TTN: variants seen among roughly 807,000 people sequenced by gnomAD.
TTN encodes connectin.
TTN carries 1,525 observed loss-of-function variants against 3,223.0 expected under a neutral mutation model. The observed-to-expected ratio is 0.47, with a 90% CI of 0.45 to 0.49. The LOEUF (loss-of-function observed/expected upper bound fraction) is 0.49, where lower values mean the gene tolerates loss of function less well. Ranked by LOEUF, TTN falls within the 20% of genes least tolerant of loss-of-function variation. TTN has a pLI of 0.00. For missense variants in TTN, 40,786 were observed against 43,424.0 expected, an observed-to-expected ratio of 0.94 and a Z score of 5.40; for synonymous variants, 14,094 against 15,161.0, an observed-to-expected ratio of 0.93 and a Z score of 5.17.
In TTN at chr2:178,584,439, C is replaced by G; in HGVS notation, c.65112G>C (p.Leu21704Phe). The G allele has an allele frequency of 3.1e-6, 5 of 1,613,334 alleles. No individual in the cohort carries two copies. The highest frequency in any genetic ancestry group is 4.2e-6 in the Non-Finnish European group (5 of 1,179,530). ...GAGTATCATTGGCTTTCACCCACAGCAAACTGTTTCTTTCCTTGCGTTCAA... is the reference window on the plus strand; with the variant it reads ...GAGTATCATTGGCTTTCACCCACAGGAAACTGTTTCTTTCCTTGCGTTCAA... Reference protein sequence around the residue: ...YLIERKERNSLLWVKANDTLV... With the variant: ...YLIERKERNSFLWVKANDTLV... Residue 21704 changes from leucine to phenylalanine, a missense_variant, in exon 311 of 363, where the codon TTG becomes TTC. Transcript: ENST00000589042.
In TTN at chr2:178,603,924, C is replaced by T. The variant is rs762872466; in HGVS notation, c.54763G>A (p.Gly18255Ser). The T allele has an allele frequency of 6.2e-7, 1 of 1,611,908 alleles. No homozygotes were observed. The highest frequency in any genetic ancestry group is 8.5e-7 in the Non-Finnish European group (1 of 1,178,590). The change falls in exon 282 of 363, where the codon GGT (glycine) becomes AGT (serine). Residue 18255 changes from glycine to serine, a missense_variant. Physicochemically the swap from Gly to Ser is moderately conservative, Grantham distance 56. Transcript: ENST00000589042. Reference sequence around the variant, plus strand: ...GGATCTGATGGTTCACTGGGAGGACCAATTCCTGCAGCATTTATTGCCATG... The same window carrying T: ...GGATCTGATGGTTCACTGGGAGGACTAATTCCTGCAGCATTTATTGCCATG... ...RAMAINAAGI[G>S]PPSEPSDPEV... is the part of the protein sequence containing the mutation.
intron 223 of TTN, among the ~76,000 whole-genome samples, chr2:178,637,882 A>C (rs1000644129): frequency 6.6e-6 from 1 of 152,038 alleles, no homozygotes. Context: ...AAATCCAGGG[A>C]AGACTAAGGA....
chr2:178,795,429 C>A (rs977309365), intron 6 of TTN, among the ~76,000 whole-genome samples, 177 bp from the exon 7 acceptor site: 7 of 151,904 alleles, frequency 4.6e-5, no homozygotes, highest in South Asian at 2.1e-4. Context: ...TCTCAATAAA[C>A]CTATTCTTAT....
In TTN at chr2:178,535,291, T is replaced by C; in HGVS notation, c.101324A>G (p.Glu33775Gly). ...TTTGGTTATGGTTGGTTCTGAAGGC[T>C]CTGAAGGCTTGCTCAGACCAAATTT... ...ENKFGLSKPS[E>G]PSEPTITKED... is the part of the protein sequence containing the mutation. Residue 33775 changes from glutamate (E) to glycine (G), a missense_variant, in exon 358 of 363, where the codon GAG becomes GGG. Physicochemically the swap from Glu to Gly is moderately conservative, Grantham distance 98 (BLOSUM62 -2). Coordinates refer to ENST00000589042, the MANE Select transcript of TTN (RefSeq NM_001267550.2). The C allele has an allele frequency of 6.2e-7, 1 of 1,613,938 alleles. No individual in the cohort carries two copies. Among genetic ancestry groups the C allele is most frequent in the Non-Finnish European group, 8.5e-7 (1 of 1,179,842 alleles).
chr2:178,555,188 TATAAG>T, intron 330 of TTN, 36 bp from the exon 331 acceptor site: 2 of 1,575,436 alleles, frequency 1.3e-6, no homozygotes, highest in East Asian at 2.2e-5. Flanking sequence ...TTTAAAATAT[TATAAG>T]GATGGAAAAA....
At position 178,576,618 on chromosome 2, in the gene TTN, G is replaced by C. The variant is rs910182014; in HGVS notation, c.69626C>G (p.Thr23209Ser). The change falls in exon 325 of 363, where the codon ACC (threonine) becomes AGC (serine). Residue 23209 changes from threonine to serine, a missense_variant. Thr to Ser is a moderately conservative substitution (Grantham distance 58). Transcript: ENST00000589042. This position sits in a 1 kb window ranked among gnomAD's most constrained non-coding sequence, Gnocchi z 4.3. ...TTCTGCACTGACACGGAATTCGTAG[G>C]TGCTTCCTTCTTGCAGTCCTGTTAC... ...CKVTGLQEGSTYEFRVSAENR... is the reference protein window; with the variant it reads ...CKVTGLQEGSSYEFRVSAENR... 2 of 1,613,564 alleles carry C rather than the reference G, an allele frequency of 1.2e-6. No homozygotes were observed. The highest frequency in any genetic ancestry group is 3.3e-5 in the Admixed American group (2 of 60,004).
rs1708542756 is a variant in TTN, at chr2:178,572,382, G to A, written c.73750C>T (p.Gln24584Ter). 2 of 1,612,982 alleles carry A rather than the reference G, an allele frequency of 1.2e-6. No individual in the cohort carries two copies. Among genetic ancestry groups the A allele is most frequent in the Admixed American group, 3.3e-5 (2 of 59,962 alleles). Residue 24584 changes from glutamine (Q) to a stop codon, truncating the protein, a stop_gained, in exon 326 of 363, where the codon CAA becomes TAA. Coordinates refer to ENST00000589042, the MANE Select transcript of TTN (RefSeq NM_001267550.2). LOFTEE classifies it high-confidence loss of function. ...CTGAAATAGTAGCTACAGCCTTCTT[G>A]AAGCTGGTCTACCTTCCAGGAAGTC... ...HKTSWKVDQL[Q>*]EGCSYYFRVL...
Position 178,672,070 on chromosome 2 carries a change from C to T in TTN, c.35128G>A (p.Val11710Ile). 1 of 1,612,120 alleles carries T rather than the reference C, an allele frequency of 6.2e-7. No individual in the cohort carries two copies. The highest frequency in any genetic ancestry group is 8.5e-7 in the Non-Finnish European group (1 of 1,179,050). ...EEFIKLEQHR[V>I]EEEHRVEKVH... The stretch of plus-strand genomic sequence containing the variant: ...TTTTCAACTCTGTGTTCTTCTTCAA[C>T]TCTATGTTGTTCTAATTTGATGAAT... Residue 11710 changes from valine (V) to isoleucine (I), a missense_variant, in exon 155 of 363, where the codon GTT (valine) becomes ATT (isoleucine). Physicochemically the swap from Val to Ile is conservative, Grantham distance 29 (BLOSUM62 3). Coordinates refer to ENST00000589042, the MANE Select transcript of TTN (RefSeq NM_001267550.2).
rs1693586445 is a variant in TTN at position 178,539,948 on chromosome 2, A to G, written c.98117T>C (p.Leu32706Pro). Residue 32706 changes from leucine (L) to proline (P), a missense_variant, in exon 352 of 363, where the codon CTT (leucine) becomes CCT (proline). By Grantham distance (98) the Leu-to-Pro change is moderately conservative (BLOSUM62 -3). Transcript: ENST00000589042. The stretch of plus-strand genomic sequence containing the variant: ...GATACCTTCTTGGTATCTTTCATCA[A>G]GTTCATAATCAGGATATTCTGGAAA... ...TEMLEYPDYE[L>P]DERYQEGIFV... 1 of 1,613,384 alleles carries G rather than the reference A, an allele frequency of 6.2e-7. No homozygotes were observed. Among genetic ancestry groups the G allele is most frequent in the African/African-American group, 1.3e-5 (1 of 74,908 alleles).
Position 178,601,573 on chromosome 2 carries a change from T to G in TTN, c.55433-9A>C. 6.2e-7 allele frequency: 1 copy of G among 1,604,744 alleles called. No homozygotes were observed. The highest frequency in any genetic ancestry group is 8.5e-7 in the Non-Finnish European group (1 of 1,175,424). On this transcript the variant is annotated splice_polypyrimidine_tract_variant and intron_variant, in intron 286 of 362. Transcript: ENST00000589042. The stretch of plus-strand genomic sequence containing the variant: ...GGGTGGGCCTGGTACATCTGTTGGA[T>G]GTAAATCACAATATAAGCAACGTTC...
intron 147 of TTN, 170 bp from the exon 148 acceptor site, chr2:178,676,165 G>A: frequency 1.7e-6 from 1 of 592,194 alleles, no homozygotes. Context: ...GTAAAGCAAG[G>A]GACCAGCAGC....
In TTN at chr2:178,531,788, G is replaced by A. The variant is rs1202115268; in HGVS notation, c.104827C>T (p.Arg34943Ter). Residue 34943 changes from arginine (R) to a stop codon, truncating the protein, a stop_gained, in exon 358 of 363, where the codon CGA becomes TGA. Transcript: ENST00000589042. LOFTEE classifies it high-confidence loss of function. Reference sequence around the variant, plus strand: ...TGCGAGCGCATTCTCAGTGTGATTCGAGGGGCATGGTCCAGTGTGAAAGGC... The same window carrying A: ...TGCGAGCGCATTCTCAGTGTGATTCAAGGGGCATGGTCCAGTGTGAAAGGC... ...QQPFTLDHAPRITLRMRSHRV... is the reference protein window; with the variant it reads ...QQPFTLDHAP The A allele has an allele frequency of 1.9e-6, 3 of 1,613,852 alleles. No individual in the cohort carries two copies. Among genetic ancestry groups the A allele is most frequent in the Non-Finnish European group, 2.5e-6 (3 of 1,179,882 alleles).
intron 127 of TTN, 97 bp from the exon 128 acceptor site, chr2:178,685,695 A>G: frequency 8.0e-7 from 1 of 1,248,852 alleles, no homozygotes; most frequent in Middle Eastern, 1.9e-4. Flanking sequence ...CAAAATAGCA[A>G]AAGTTTAACC....
chr2:178,616,933 T>G lies in TTN; in HGVS notation c.47956A>C (p.Ser15986Arg). ...VPNPITILVP[S>R]TGYPRPTATW... ...GCAGTTGGCCTTGGATAGCCTGTAC[T>G]TGGAACCAGGATCGTGATAGGATTT... The change falls in exon 256 of 363, where the codon AGT becomes CGT. Residue 15986 changes from serine (S) to arginine (R), a missense_variant. Ser to Arg is a moderately radical substitution (Grantham distance 110). Coordinates refer to ENST00000589042, the MANE Select transcript of TTN (RefSeq NM_001267550.2). 6.2e-7 allele frequency: 1 copy of G among 1,612,726 alleles called. No homozygotes were observed. Among genetic ancestry groups the G allele is most frequent in the South Asian group, 1.1e-5 (1 of 91,054 alleles).
In TTN at chr2:178,590,368, C is replaced by T. The variant is rs962106912; in HGVS notation, c.61357G>A (p.Val20453Ile). 3 of 1,581,976 alleles carry T rather than the reference C, an allele frequency of 1.9e-6. No homozygotes were observed. Among genetic ancestry groups the T allele is most frequent in the Non-Finnish European group, 2.6e-6 (3 of 1,164,756 alleles). ...AGTTCTCTTGGCTCACCCTCTCCTACAATATTAGCTGCCTTTATACGGAAT... is the reference window on the plus strand; with the variant it reads ...AGTTCTCTTGGCTCACCCTCTCCTATAATATTAGCTGCCTTTATACGGAAT... ...YRFRIKAANIVGEGEPRELAE... is the reference protein window; with the variant it reads ...YRFRIKAANIIGEGEPRELAE... The change falls in exon 304 of 363, where the codon GTA becomes ATA. Residue 20453 changes from valine to isoleucine, a missense_variant. Coordinates refer to ENST00000589042, the MANE Select transcript of TTN (RefSeq NM_001267550.2).
At chr2:178,692,615 G>A (rs748213210) in intron 119 of TTN, 35 bp from the exon 120 acceptor site, 2 of 1,454,262 alleles carry the variant, frequency 1.4e-6, no homozygotes, top group Non-Finnish European at 1.8e-6. Context: ...GAGAAAGTGT[G>A]CATTTGACAA....
At chr2:178,708,858 AG>A (rs1020289454) in intron 99 of TTN, among the ~76,000 whole-genome samples, 5 of 152,150 alleles carry the variant, frequency 3.3e-5, no homozygotes, top group Non-Finnish European at 7.4e-5. Context: ...AGGCTGCTCT[AG>A]GAGGTTAGTT....
rs1203373476 is a variant in TTN at position 178,779,051 on chromosome 2, T to C, written c.4031A>G (p.Asp1344Gly). ...GERYQMDFLQDGRASLRIPVV... is the reference protein window; with the variant it reads ...GERYQMDFLQGGRASLRIPVV... ...AGGTATACGCAGACTAGCTCTGCCA[T>C]CTTGTAGAAAGTCCATTTGGTATCT... The change falls in exon 24 of 363, where the codon GAT becomes GGT. Residue 1344 changes from aspartate (D) to glycine (G), a missense_variant. By Grantham distance (94) the Asp-to-Gly change is moderately conservative. Transcript: ENST00000589042. The C allele has an allele frequency of 3.1e-6, 5 of 1,613,930 alleles. No individual in the cohort carries two copies. In the Admixed American group the frequency reaches 6.7e-5, roughly 22 times the overall value.
chr2:178,584,211 C>T lies in TTN; in HGVS notation c.65275+65G>A, dbSNP rs138517616. On this transcript the variant is annotated intron_variant, in intron 311 of 362. Transcript: ENST00000589042. The stretch of plus-strand genomic sequence containing the variant: ...GTCTTGGAGTCCAAATCTTAGACTC[C>T]GAGATTTAAATGTGCCTCCATAATA... The T allele has an allele frequency of 3.8e-4, 563 of 1,499,162 alleles. 3 individuals carry two copies. The African/African-American group carries it at 6.7e-3, about 18-fold the overall frequency. The allele number at this position is 1,499,162 out of a possible 1,614,324, so 92.9% of individuals were successfully genotyped here.
Sources: allele counts gnomAD v4.1 joint callset (sites outside exome capture counted in the v4.1 genomes callset), GRCh38; gene constraint gnomAD v4.1.1; non-coding constraint Gnocchi (gnomAD v3.1); transcripts MANE v1.5; gene names NCBI Gene and HGNC (gene_info 2026-07-23, HGNC 2026-07-21).